The following UBE2K variants were observed in gnomAD, a reference collection of about 807,000 sequenced individuals.
UBE2K encodes ubiquitin-conjugating enzyme E2 K.
UBE2K carries 6 observed loss-of-function variants against 30.0 expected under a neutral mutation model. The observed-to-expected ratio is 0.20, with a 90% CI of 0.11 to 0.39. The LOEUF is 0.39. Among genes scored for constraint, UBE2K ranks in the 10% least tolerant of loss-of-function variants. UBE2K has a pLI of 1.00. For missense variants in UBE2K, 61 were observed against 241.6 expected, an observed-to-expected ratio of 0.25 and a Z score of 4.96; for synonymous variants, 86 against 83.7, an observed-to-expected ratio of 1.03 and a Z score of -0.15.
chr4:39,746,525 C>T (rs992930939), intron 3 of UBE2K, among the ~76,000 whole-genome samples: 4 of 152,142 alleles, frequency 2.6e-5, no homozygotes, highest in Admixed American at 1.3e-4. Flanking sequence ...TAGAAATCTT[C>T]CTAGAGTTCA....
intron 4 of UBE2K, among the ~76,000 whole-genome samples, chr4:39,773,870 G>T (rs1261433566): frequency 4.0e-5 from 6 of 151,136 alleles, no homozygotes; most frequent in Non-Finnish European, 5.9e-5. Context: ...GCAGGGAGCC[G>T]AGATCGCGCC....
chr4:39,764,537 C>G (rs1317986269), intron 4 of UBE2K, among the ~76,000 whole-genome samples: 1 of 151,546 alleles, frequency 6.6e-6, no homozygotes, highest in Non-Finnish European at 1.5e-5. Flanking sequence ...CCTTGACCTT[C>G]CAGGCCCCAA....
chr4:39,755,471 A>G (rs1276178966), intron 3 of UBE2K, among the ~76,000 whole-genome samples, 186 bp from the exon 4 acceptor site: 2 of 152,244 alleles, frequency 1.3e-5, no homozygotes, highest in African/African-American at 4.8e-5. Context: ...AAAACAACAT[A>G]TGTTAGTGAC....
chr4:39,767,581 C>T (rs1168227022), intron 4 of UBE2K, among the ~76,000 whole-genome samples: 1 of 152,062 alleles, frequency 6.6e-6, no homozygotes, highest in East Asian at 1.9e-4. Flanking sequence ...CCTCGGCCTC[C>T]CAAAGTGTTG....
At chr4:39,708,955 T>C (rs1718524301) in intron 1 of UBE2K, among the ~76,000 whole-genome samples, 1 of 151,718 alleles carries the variant, frequency 6.6e-6, no homozygotes, top group Admixed American at 6.6e-5. Context: ...TATGAGAACT[T>C]GAACTTGCCA....
chr4:39,757,011 G>GTTTGTT (rs1721558962), intron 4 of UBE2K, among the ~76,000 whole-genome samples: 3 of 76,824 alleles, frequency 3.9e-5, no homozygotes, highest in South Asian at 4.4e-4. Flanking sequence ...TTTTTTTTTT[G>GTTTGTT]TTTTTTGTTT....
intron 1 of UBE2K, among the ~76,000 whole-genome samples, chr4:39,726,470 C>G (rs1376377478): frequency 6.6e-6 from 1 of 152,178 alleles, no homozygotes; most frequent in Non-Finnish European, 1.5e-5. Context: ...ATCCTCCTGC[C>G]TCAGTCTCCC....
chr4:39,698,482 T>A (rs1242571272), intron 1 of UBE2K, 92 bp downstream of exon 1: 1 of 1,213,824 alleles, frequency 8.2e-7, no homozygotes, highest in South Asian at 1.3e-5. Flanking sequence ...AGTCCCTGGG[T>A]GGTCCTCCTT....
intron 4 of UBE2K, among the ~76,000 whole-genome samples, chr4:39,757,025 G>GTTTTTTTTTTTTTT (rs1462859142): frequency 1.4e-5 from 1 of 70,936 alleles, no homozygotes; most frequent in Non-Finnish European, 2.8e-5. Flanking sequence ...TTTGTTTTTT[G>GTTTTTTTTTTTTTT]TTTTTTGTTT....
intron 1 of UBE2K, among the ~76,000 whole-genome samples, chr4:39,725,206 C>T (rs542045313): frequency 7.9e-5 from 12 of 151,662 alleles, no homozygotes; most frequent in African/African-American, 2.4e-4. Flanking sequence ...GGAGACATGG[C>T]GAACCGTCTC....
intron 4 of UBE2K, among the ~76,000 whole-genome samples, chr4:39,762,022 A>G (rs1475015921): frequency 6.6e-6 from 1 of 151,892 alleles, no homozygotes; most frequent in East Asian, 1.9e-4. Flanking sequence ...AAAAATAAAA[A>G]TAAAAAATTA....
At chr4:39,760,801 TAAAAC>T (rs1046492500) in intron 4 of UBE2K, among the ~76,000 whole-genome samples, 18 of 151,642 alleles carry the variant, frequency 1.2e-4, no homozygotes, top group Admixed American at 8.5e-4. Context: ...TAAAAAAAAT[TAAAAC>T]AAATAAAAAA....
intron 1 of UBE2K, among the ~76,000 whole-genome samples, chr4:39,705,838 C>T (rs1447787242): frequency 6.7e-6 from 1 of 149,326 alleles, no homozygotes; most frequent in Non-Finnish European, 1.5e-5. Flanking sequence ...TACAGGCATG[C>T]GCCACCACGC....
chr4:39,731,118 C>G (rs1720049744), intron 1 of UBE2K, among the ~76,000 whole-genome samples: 1 of 152,116 alleles, frequency 6.6e-6, no homozygotes, highest in Non-Finnish European at 1.5e-5. Context: ...GTCTCGAACT[C>G]CTGACGTCAG....
intron 6 of UBE2K, 56 bp downstream of exon 6, chr4:39,777,866 A>T (rs1343379006): frequency 3.7e-6 from 5 of 1,352,182 alleles, no homozygotes; most frequent in African/African-American, 1.5e-5. Context: ...AAATTATTGC[A>T]AATTCTTGGC....
intron 1 of UBE2K, among the ~76,000 whole-genome samples, chr4:39,736,289 C>T (rs1046186761): frequency 1.1e-4 from 17 of 152,158 alleles, no homozygotes; most frequent in Admixed American, 9.8e-4. Context: ...GGCGAAACCC[C>T]GTCTTGACTA....
intron 3 of UBE2K, among the ~76,000 whole-genome samples, chr4:39,748,567 CT>C (rs1339768686): frequency 2.6e-5 from 4 of 151,340 alleles, no homozygotes; most frequent in Non-Finnish European, 2.9e-5. Flanking sequence ...AGCGTTTGAG[CT>C]CGGGAGTTTG....
chr4:39,718,131 C>T (rs534926885), intron 1 of UBE2K, among the ~76,000 whole-genome samples: 1 of 152,312 alleles, frequency 6.6e-6, no homozygotes, highest in African/African-American at 2.4e-5. Flanking sequence ...GCCCCACGCA[C>T]ATCCTGCTGA....
intron 4 of UBE2K, chr4:39,771,418 A>G (rs931598696): frequency 3.2e-5 from 52 of 1,607,950 alleles, no homozygotes; most frequent in Non-Finnish European, 4.4e-5. Context: ...GAAGCGCAGG[A>G]CTTCACCCCA....
Sources: allele counts gnomAD v4.1 joint callset (sites outside exome capture counted in the v4.1 genomes callset), GRCh38; gene constraint gnomAD v4.1.1; transcripts MANE v1.5; gene names NCBI Gene and HGNC (gene_info 2026-07-23, HGNC 2026-07-21).